The following STARD13 variants were observed in gnomAD, a reference collection of about 807,000 sequenced individuals.
The protein encoded by STARD13 is stAR-related lipid transfer protein 13.
In STARD13, 62 loss-of-function variants were observed where a neutral mutation model predicts 106.4. That is an observed-to-expected ratio of 0.58 (90% CI 0.48 to 0.72). The LOEUF is 0.72. Ranked by LOEUF, STARD13 falls within the 30% of genes least tolerant of loss-of-function variation. The probability of loss-of-function intolerance (pLI) is 0.00; values close to 1 mark genes in which losing one functional copy is unlikely to be tolerated. For synonymous variants in STARD13, 565 were observed against 553.0 expected, an observed-to-expected ratio of 1.02 and a Z score of -0.31; for missense variants, 1,387 against 1,424.0, an observed-to-expected ratio of 0.97 and a Z score of 0.42.
chr13:33,524,254 G>A, the STARD13 span: 1 of 1,276,584 alleles, frequency 7.8e-7, no homozygotes, highest in Non-Finnish European at 1.0e-6. Flanking sequence ...TTTTGGTTGA[G>A]TTCCAGTTGA....
intron 7 of STARD13, among the ~76,000 whole-genome samples, chr13:33,122,125 C>T (rs374454424): frequency 1.3e-5 from 2 of 152,172 alleles, no homozygotes; most frequent in East Asian, 3.9e-4. Flanking sequence ...GGATTACAGG[C>T]GTGAGCCACT....
chr13:33,239,015 C>A lies in STARD13; in HGVS notation c.169+46455G>T, dbSNP rs183047040. 1.2e-3 allele frequency among the ~76,000 whole-genome samples: 183 copies of A among 152,060 alleles called. 5 individuals carry two copies. The East Asian group carries it at 0.03, about 25-fold the overall frequency. On this transcript the variant is annotated intron_variant, in intron 1 of 13. Transcript: ENST00000336934. ...AAACTGAAATTCTATATCAATTAAG[C>A]AACAACCTCCCCATTTCCCCCTCCC... is the stretch of plus-strand genomic sequence containing the variant.
chr13:33,464,302 A>T, the STARD13 span, among the ~76,000 whole-genome samples: 2 of 152,082 alleles, frequency 1.3e-5, no homozygotes, highest in Admixed American at 6.6e-5. Flanking sequence ...TAATATTTTT[A>T]AAAGATTTTT....
At chr13:33,180,047 C>G (rs1263120424) in intron 1 of STARD13, among the ~76,000 whole-genome samples, 1 of 152,234 alleles carries the variant, frequency 6.6e-6, no homozygotes, top group Non-Finnish European at 1.5e-5. Flanking sequence ...AAGTATCTAA[C>G]ATGCAATTCA....
chr13:33,232,459 C>T (rs116697393), intron 1 of STARD13, among the ~76,000 whole-genome samples: 1,957 of 151,926 alleles, frequency 0.013, 54 homozygotes, highest in African/African-American at 0.045. Flanking sequence ...GGGGAAGAAC[C>T]CTCAGATACA....
chr13:33,484,391 A>G, the STARD13 span, among the ~76,000 whole-genome samples: 3 of 152,200 alleles, frequency 2.0e-5, no homozygotes, highest in Non-Finnish European at 4.4e-5. Flanking sequence ...TAACATGACT[A>G]TTGTAGAATC....
chr13:33,562,792 A>G, the STARD13 span, among the ~76,000 whole-genome samples: 1 of 146,996 alleles, frequency 6.8e-6, no homozygotes, highest in East Asian at 2.0e-4. Context: ...AATTAAAAGC[A>G]AAATTATATA....
intron 1 of STARD13, among the ~76,000 whole-genome samples, chr13:33,236,606 G>C (rs1404336311): frequency 1.3e-5 from 2 of 152,200 alleles, no homozygotes; most frequent in Non-Finnish European, 2.9e-5. Context: ...CTAATGCTGA[G>C]CATAAGGAAG....
At position 33,103,771 on chromosome 13, in the gene STARD13, G is replaced by C. The variant is rs1300033532; in HGVS notation, c.*1822C>G. On this transcript the variant is annotated 3_prime_UTR_variant, in exon 14 of 14. Transcript: ENST00000336934. Reference sequence around the variant, plus strand: ...ATCTCAGGAGCAGGACCAGTGTTTAGCTAGATTAAACTTCACTGGTGATCT... The same window carrying C: ...ATCTCAGGAGCAGGACCAGTGTTTACCTAGATTAAACTTCACTGGTGATCT... 6.6e-6 allele frequency: 1 copy of C among 152,270 alleles called. No homozygotes were observed. Among genetic ancestry groups the C allele is most frequent in the Non-Finnish European group, 1.5e-5 (1 of 68,050 alleles). The allele number at this position is 152,270 out of a possible 1,614,324, so 9.4% of individuals were successfully genotyped here.
At chr13:33,186,789 C>T (rs797207) in intron 1 of STARD13, among the ~76,000 whole-genome samples, 19,871 of 151,946 alleles carry the variant, frequency 0.13, 1,687 homozygotes, top group Middle Eastern at 0.2. Context: ...CAAAAAAAAC[C>T]CTTGTTTACT....
intron 1 of STARD13, among the ~76,000 whole-genome samples, chr13:33,200,440 C>T (rs1182574069): frequency 6.6e-6 from 1 of 152,200 alleles, no homozygotes; most frequent in African/African-American, 2.4e-5. Flanking sequence ...AACGAGACCA[C>T]TTCAAGGTAC....
intron 1 of STARD13, among the ~76,000 whole-genome samples, chr13:33,203,669 A>G (rs879751877): frequency 1.2e-4 from 18 of 152,370 alleles, no homozygotes; most frequent in Admixed American, 9.1e-4. Flanking sequence ...TGATGAGAAA[A>G]TCAAATAGTT....
At chr13:33,156,805 G>T (rs889109647) in intron 3 of STARD13, among the ~76,000 whole-genome samples, 3 of 152,110 alleles carry the variant, frequency 2.0e-5, no homozygotes, top group Non-Finnish European at 4.4e-5. Flanking sequence ...TAAGCACTTT[G>T]TAAGTGTTTT....
the STARD13 span, among the ~76,000 whole-genome samples, chr13:33,475,458 A>C: frequency 6.6e-6 from 1 of 152,116 alleles, no homozygotes; most frequent in African/African-American, 2.4e-5. Context: ...CATTTGCTCT[A>C]TTTATCTAAA....
At chr13:33,233,945 C>T (rs543754658) in intron 1 of STARD13, among the ~76,000 whole-genome samples, 18 of 152,136 alleles carry the variant, frequency 1.2e-4, no homozygotes, top group Non-Finnish European at 2.1e-4. Flanking sequence ...CATGGCAGAC[C>T]GAATAGGTGG....
At chr13:33,306,906 T>C (rs923774155) in intron 1 of STARD13, among the ~76,000 whole-genome samples, 9 of 151,506 alleles carry the variant, frequency 5.9e-5, no homozygotes, top group African/African-American at 2.2e-4. Flanking sequence ...GCCAAGATTG[T>C]GCCACTGCAC....
At chr13:33,656,391 G>A in the STARD13 span, among the ~76,000 whole-genome samples, 13 of 152,226 alleles carry the variant, frequency 8.5e-5, no homozygotes, top group African/African-American at 3.1e-4. Context: ...TTTCTACGAT[G>A]TTTAATATAT....
the STARD13 span, among the ~76,000 whole-genome samples, chr13:33,419,404 A>G: frequency 1.3e-5 from 2 of 152,206 alleles, no homozygotes; most frequent in African/African-American, 2.4e-5. Context: ...AAGGAAGAAC[A>G]CAAGTTTAGA....
the STARD13 span, among the ~76,000 whole-genome samples, chr13:33,586,211 A>G: frequency 2.0e-5 from 3 of 152,230 alleles, no homozygotes; most frequent in Non-Finnish European, 4.4e-5. Context: ...TGAGGCCACA[A>G]GAGATTAAAC....
Sources: gnomAD v4.1 joint callset for allele counts (sites outside exome capture counted in the v4.1 genomes callset) on GRCh38, gnomAD v4.1.1 for gene constraint, MANE v1.5 for transcripts, NCBI Gene and HGNC (gene_info 2026-07-23, HGNC 2026-07-21) for gene names.